Variants in KIF6 observed in about 807,000 individuals in gnomAD.
KIF6 encodes kinesin family member 6.
A neutral mutation model predicts 112.7 loss-of-function variants in KIF6; 106 were observed. The observed-to-expected ratio is 0.94, with a 90% CI of 0.80 to 1.11. The LOEUF (loss-of-function observed/expected upper bound fraction) is 1.11. Among genes scored for constraint, KIF6 ranks in the 50% least tolerant of loss-of-function variants. The probability of loss-of-function intolerance (pLI) is 0.00; values close to 1 mark genes in which losing one functional copy is unlikely to be tolerated. For missense variants in KIF6, 929 were observed against 964.0 expected (o/e 0.96, Z 0.48); for synonymous variants, 339 against 339.9 (o/e 1.00, Z 0.03).
intron 10 of KIF6, among the ~76,000 whole-genome samples, chr6:39,546,562 A>G (rs1246682571): frequency 6.6e-6 from 1 of 152,164 alleles, no homozygotes; most frequent in African/African-American, 2.4e-5. Context: ...ACAGTGGCTC[A>G]CACTTGTAAT....
intron 15 of KIF6, among the ~76,000 whole-genome samples, chr6:39,391,108 T>A (rs772012028): frequency 7.2e-5 from 11 of 152,196 alleles, no homozygotes; most frequent in Non-Finnish European, 1.3e-4. Context: ...CTTCTCACCA[T>A]AGCAGTGGTG....
intron 13 of KIF6, among the ~76,000 whole-genome samples, chr6:39,500,954 A>G (rs2150491716): frequency 6.6e-6 from 1 of 152,270 alleles, no homozygotes; most frequent in Admixed American, 6.5e-5. Flanking sequence ...CAAGATGGCC[A>G]ATTAGAAGCA....
chr6:39,679,600 GTTTCT>G (rs1026535354), intron 3 of KIF6, among the ~76,000 whole-genome samples: 1 of 146,178 alleles, frequency 6.8e-6, no homozygotes, highest in African/African-American at 2.5e-5. Context: ...ACATGGCAGG[GTTTCT>G]TTTCTTTTCT....
intron 15 of KIF6, among the ~76,000 whole-genome samples, chr6:39,414,810 C>A (rs994370047): frequency 2.5e-4 from 38 of 151,892 alleles, no homozygotes; most frequent in Middle Eastern, 6.8e-3. Flanking sequence ...TTATGGAGAT[C>A]ATATATAGTG....
chr6:39,633,002 T>G (rs1185316797), intron 5 of KIF6, among the ~76,000 whole-genome samples: 1 of 151,898 alleles, frequency 6.6e-6, no homozygotes, highest in African/African-American at 2.4e-5. Flanking sequence ...AAAGTTTGAT[T>G]GAGTGATGAT....
rs550911117 is a variant in KIF6 at position 39,492,840 on chromosome 6, G to A, written c.1645+47163C>T. Among the ~76,000 whole-genome samples the A allele has an allele frequency of 5.9e-5, 9 of 152,316 alleles. No individual in the cohort carries two copies. The South Asian group carries it at 1.5e-3, about 25-fold the overall frequency. ...TTAGATCCTTGACCTTGAGCCTGAT[G>A]CTTTCTGCAAGCTCTTGATTTTTAT... On this transcript the variant is annotated intron_variant, in intron 13 of 22. Coordinates refer to ENST00000287152, the MANE Select transcript of KIF6 (RefSeq NM_145027.6).
At chr6:39,551,382 T>C (rs752347333) in intron 10 of KIF6, among the ~76,000 whole-genome samples, 17 of 152,100 alleles carry the variant, frequency 1.1e-4, no homozygotes, top group South Asian at 4.1e-4. Context: ...GGATGGTTAA[T>C]GGGTACAAAA....
intron 13 of KIF6, among the ~76,000 whole-genome samples, chr6:39,447,335 T>G (rs1772393937): frequency 6.6e-6 from 1 of 152,182 alleles, no homozygotes; most frequent in South Asian, 2.1e-4. Flanking sequence ...CACCATCTTA[T>G]CAAAGCCCAC....
At chr6:39,467,851 C>A (rs1773887807) in intron 13 of KIF6, among the ~76,000 whole-genome samples, 1 of 152,102 alleles carries the variant, frequency 6.6e-6, no homozygotes, top group Non-Finnish European at 1.5e-5. Flanking sequence ...GACTTCAAAC[C>A]AGTCATATAC....
At chr6:39,699,634 T>C (rs1316220009) in intron 3 of KIF6, among the ~76,000 whole-genome samples, 1 of 152,072 alleles carries the variant, frequency 6.6e-6, no homozygotes, top group Admixed American at 6.6e-5. Flanking sequence ...GTTGAAAAAG[T>C]AGAGGAAAAG....
At chr6:39,551,246 A>G (rs1779361458) in intron 10 of KIF6, among the ~76,000 whole-genome samples, 1 of 152,246 alleles carries the variant, frequency 6.6e-6, no homozygotes, top group South Asian at 2.1e-4. Flanking sequence ...AAGCACAGAA[A>G]GACAAATATC....
chr6:39,521,178 G>C (rs1777378924), intron 13 of KIF6, among the ~76,000 whole-genome samples: 1 of 152,170 alleles, frequency 6.6e-6, no homozygotes, highest in African/African-American at 2.4e-5. Flanking sequence ...GATGAAGTCT[G>C]ATTACATTAT....
Position 39,539,987 on chromosome 6 carries a change from A to G in KIF6, c.1645+16T>C. 1 of 1,570,966 alleles carries G rather than the reference A, an allele frequency of 6.4e-7. No homozygotes were observed. Among genetic ancestry groups the G allele is most frequent in the Admixed American group, 1.9e-5 (1 of 52,510 alleles). ...ATTACAGACAATGAGAAATACTGGA[A>G]ATTTAGTCAACTGACCTATTTTCTT... On this transcript the variant is annotated intron_variant, in intron 13 of 22. Transcript: ENST00000287152.
intron 14 of KIF6, among the ~76,000 whole-genome samples, chr6:39,423,595 T>A (rs1309203050): frequency 6.6e-6 from 1 of 152,022 alleles, no homozygotes; most frequent in Non-Finnish European, 1.5e-5. Flanking sequence ...GCCTGTTTGA[T>A]ACCTTGAAGA....
Position 39,641,860 on chromosome 6 carries a change from C to A in KIF6, c.252-2103G>T, listed in dbSNP as rs2150772440. On this transcript the variant is annotated intron_variant, in intron 3 of 22. Transcript: ENST00000287152. ...AGTATGTCTGTCTTTAATATGTGCT[C>A]CCCCTACCCCCATCTACTGTGGGAT... 2.0e-5 allele frequency among the ~76,000 whole-genome samples: 3 copies of A among 152,210 alleles called. No individual in the cohort carries two copies. In the East Asian group the frequency reaches 5.8e-4, roughly 29 times the overall value.
intron 3 of KIF6, among the ~76,000 whole-genome samples, chr6:39,681,764 T>C (rs1787532411): frequency 6.6e-6 from 1 of 152,158 alleles, no homozygotes; most frequent in Non-Finnish European, 1.5e-5. Flanking sequence ...GGACTGGAAA[T>C]GCAATTTCTG....
chr6:39,463,480 A>C (rs957829853), intron 13 of KIF6, among the ~76,000 whole-genome samples: 1 of 152,258 alleles, frequency 6.6e-6, no homozygotes, highest in East Asian at 1.9e-4. Flanking sequence ...GACTACCAGG[A>C]GATAGCAACC....
At chr6:39,369,746 C>G (rs982087978) in intron 16 of KIF6, among the ~76,000 whole-genome samples, 3 of 152,174 alleles carry the variant, frequency 2.0e-5, no homozygotes, top group Non-Finnish European at 2.9e-5. Flanking sequence ...GGCCATACAC[C>G]ATACACAGGG....
At chr6:39,627,146 C>T (rs1784133315) in intron 5 of KIF6, among the ~76,000 whole-genome samples, 1 of 152,182 alleles carries the variant, frequency 6.6e-6, no homozygotes, top group African/African-American at 2.4e-5. Flanking sequence ...TCAAACAGGT[C>T]TACTAACTGT....
Sources: allele counts gnomAD v4.1 joint callset (sites outside exome capture counted in the v4.1 genomes callset), GRCh38; gene constraint gnomAD v4.1.1; transcripts MANE v1.5; gene names NCBI Gene and HGNC (gene_info 2026-07-23, HGNC 2026-07-21).